Variants in GALNT11 observed in about 807,000 individuals in gnomAD.
GALNT11 encodes the protein polypeptide N-acetylgalactosaminyltransferase 11.
Under a neutral mutation model 72.7 loss-of-function variants are expected in GALNT11, and 47 were observed. The ratio of observed to expected loss-of-function variants is 0.65; its 90% CI spans 0.51 to 0.82. The LOEUF (loss-of-function observed/expected upper bound fraction) is 0.82. Among genes scored for constraint, GALNT11 ranks in the 40% least tolerant of loss-of-function variants. GALNT11 has a pLI of 0.00. For missense variants in GALNT11, 677 were observed against 778.4 expected, an observed-to-expected ratio of 0.87 and a Z score of 1.55; for synonymous variants, 270 against 286.6, an observed-to-expected ratio of 0.94 and a Z score of 0.58.
At chr7:152,099,248 A>G (rs2086597194) in intron 2 of GALNT11, among the ~76,000 whole-genome samples, 1 of 151,832 alleles carries the variant, frequency 6.6e-6, no homozygotes, top group Admixed American at 6.6e-5. Flanking sequence ...GGCTGGAAAC[A>G]CTGCATTCTA....
Position 152,102,942 on chromosome 7 carries a change from C to T in GALNT11, c.420-170C>T, listed in dbSNP as rs2087101924. Among the ~76,000 whole-genome samples, 3 of 148,624 alleles carry T rather than the reference C, an allele frequency of 2.0e-5. No homozygotes were observed. The South Asian group carries it at 6.4e-4, about 32-fold the overall frequency. Reference sequence around the variant, plus strand: ...GTCACGATGAGCCGAGATAGCGCCACTGCACTCCAGCCTGGGCAACAAGAG... The same window carrying T: ...GTCACGATGAGCCGAGATAGCGCCATTGCACTCCAGCCTGGGCAACAAGAG... On this transcript the variant is annotated intron_variant, in intron 3 of 11. Coordinates refer to ENST00000430044, the MANE Select transcript of GALNT11 (RefSeq NM_022087.4).
intron 3 of GALNT11, among the ~76,000 whole-genome samples, chr7:152,101,578 C>T (rs114512709): frequency 6.9e-6 from 1 of 144,196 alleles, no homozygotes; most frequent in Non-Finnish European, 1.5e-5. Context: ...TGCTGGAGGG[C>T]TGTGTGTGCC....
chr7:152,082,282 A>C (rs369610003), intron 1 of GALNT11, among the ~76,000 whole-genome samples: 1 of 152,232 alleles, frequency 6.6e-6, no homozygotes, highest in African/African-American at 2.4e-5. Flanking sequence ...GAAAGGGTAC[A>C]CTTACCAGCA....
intron 1 of GALNT11, among the ~76,000 whole-genome samples, chr7:152,086,991 A>G (rs1374463330): frequency 6.6e-6 from 1 of 152,218 alleles, no homozygotes; most frequent in Non-Finnish European, 1.5e-5. Context: ...ATTTGTTTAG[A>G]AATTTGCAAG....
In GALNT11 at chr7:152,086,068, A is replaced by G. The variant is rs569978764; in HGVS notation, c.-38-8122A>G. Among the ~76,000 whole-genome samples, 5 of 151,962 alleles carry G rather than the reference A, an allele frequency of 3.3e-5. No individual in the cohort carries two copies. In the South Asian group the frequency reaches 1.0e-3, roughly 32 times the overall value. The stretch of plus-strand genomic sequence containing the variant: ...ATGCCCAGCTAATTTTTGTATTTTT[A>G]GTAGACATGGGGTTTCACCATGTTG... On this transcript the variant is annotated intron_variant, in intron 1 of 11. Coordinates refer to ENST00000430044, the MANE Select transcript of GALNT11 (RefSeq NM_022087.4).
At chr7:152,109,074 T>G (rs1355265413) in intron 6 of GALNT11, among the ~76,000 whole-genome samples, 1 of 152,254 alleles carries the variant, frequency 6.6e-6, no homozygotes, top group Non-Finnish European at 1.5e-5. Context: ...CAGAAGCCAT[T>G]TCTTACGTAG....
chr7:152,028,218 C>T (rs2082129793), intron 1 of GALNT11, among the ~76,000 whole-genome samples: 1 of 152,170 alleles, frequency 6.6e-6, no homozygotes, highest in African/African-American at 2.4e-5. Flanking sequence ...CTTATTTGGC[C>T]CCACCCACAT....
At chr7:152,038,039 G>A (rs2082668010) in intron 1 of GALNT11, among the ~76,000 whole-genome samples, 1 of 152,124 alleles carries the variant, frequency 6.6e-6, no homozygotes, top group Non-Finnish European at 1.5e-5. Flanking sequence ...CAAAGTGCTT[G>A]GATTACAGGT....
Position 152,121,450 on chromosome 7 carries a change from C to T in GALNT11, c.1696-96C>T. 4 of 1,446,254 alleles carry T rather than the reference C, an allele frequency of 2.8e-6. No individual in the cohort carries two copies. The South Asian group carries it at 5.4e-5, about 20-fold the overall frequency. 89.6% of individuals were successfully genotyped at this position (1,446,254 alleles called of 1,614,324 possible). ...TTTGGCTAAGAGGGGACTATTGTAT[C>T]CCTTAATCTGAATTCTTAAGTGCTC... On this transcript the variant is annotated intron_variant, in intron 11 of 11. Transcript: ENST00000430044.
chr7:152,050,996 G>A (rs1055154165), intron 1 of GALNT11, among the ~76,000 whole-genome samples: 2 of 152,180 alleles, frequency 1.3e-5, no homozygotes, highest in African/African-American at 4.8e-5. Flanking sequence ...TGGGAGAGGG[G>A]TGGTGTCAGC....
chr7:152,051,013 C>T (rs1025229060), intron 1 of GALNT11, among the ~76,000 whole-genome samples: 5 of 152,122 alleles, frequency 3.3e-5, no homozygotes, highest in Non-Finnish European at 5.9e-5. Context: ...CAGCAATTCA[C>T]GACTTTATCC....
intron 1 of GALNT11, among the ~76,000 whole-genome samples, chr7:152,070,865 G>A (rs1378176027): frequency 6.6e-6 from 1 of 152,180 alleles, no homozygotes; most frequent in African/African-American, 2.4e-5. Flanking sequence ...GTACAAAAGA[G>A]AGAAATTTTA....
intron 1 of GALNT11, among the ~76,000 whole-genome samples, chr7:152,051,199 G>GTTTTTTTTTTTTTT (rs35668155): frequency 4.3e-5 from 2 of 46,826 alleles, no homozygotes; most frequent in Non-Finnish European, 9.8e-5. Context: ...ATATCTGGTT[G>GTTTTTTTTTTTTTT]TTTTTTTTTT....
At chr7:152,043,324 G>T (rs1392226304) in intron 1 of GALNT11, among the ~76,000 whole-genome samples, 1 of 152,182 alleles carries the variant, frequency 6.6e-6, no homozygotes, top group Non-Finnish European at 1.5e-5. Flanking sequence ...CTTTTGCGGG[G>T]ATTCCCCAGG....
intron 1 of GALNT11, among the ~76,000 whole-genome samples, chr7:152,065,281 C>T (rs1047430435): frequency 1.8e-4 from 27 of 152,324 alleles, no homozygotes; most frequent in Non-Finnish European, 3.4e-4. Flanking sequence ...ACGTAGTTCT[C>T]GTGCCATGGT....
At chr7:152,090,297 C>T (rs568246200) in intron 1 of GALNT11, among the ~76,000 whole-genome samples, 1 of 152,182 alleles carries the variant, frequency 6.6e-6, no homozygotes, top group Non-Finnish European at 1.5e-5. Context: ...CAGCATTTGG[C>T]TTCTGTTGTT....
intron 1 of GALNT11, among the ~76,000 whole-genome samples, chr7:152,070,812 A>G (rs1032000936): frequency 1.3e-5 from 2 of 152,072 alleles, no homozygotes; most frequent in African/African-American, 2.4e-5. Context: ...GTTCTTTTCT[A>G]TTTTCCTTAA....
At chr7:152,043,832 C>G (rs149933208) in intron 1 of GALNT11, among the ~76,000 whole-genome samples, 2 of 152,226 alleles carry the variant, frequency 1.3e-5, no homozygotes, top group Non-Finnish European at 2.9e-5. Flanking sequence ...TCATTATACT[C>G]TCCTTCCTCC....
chr7:152,058,411 C>T (rs182179762), intron 1 of GALNT11, among the ~76,000 whole-genome samples: 7 of 152,104 alleles, frequency 4.6e-5, no homozygotes, highest in East Asian at 1.9e-4. Context: ...CTCGGCTCAC[C>T]GCAACCTCTG....
Sources: gnomAD v4.1 joint callset for allele counts (sites outside exome capture counted in the v4.1 genomes callset) on GRCh38, gnomAD v4.1.1 for gene constraint, MANE v1.5 for transcripts, NCBI Gene and HGNC (gene_info 2026-07-23, HGNC 2026-07-21) for gene names.